The following ZNF592 variants were observed in gnomAD, a reference collection of about 807,000 sequenced individuals.
The protein encoded by ZNF592 is zinc finger protein 592, also known as spinocerebellar ataxia, autosomal recessive 5.
ZNF592 carries 11 observed loss-of-function variants against 80.3 expected under a neutral mutation model. That is an observed-to-expected ratio of 0.14 (90% CI 0.09 to 0.23). The LOEUF (loss-of-function observed/expected upper bound fraction) is 0.23, where lower values mean the gene tolerates loss of function less well. Ranked by LOEUF, ZNF592 falls within the 10% of genes least tolerant of loss-of-function variation. The pLI, the probability that ZNF592 is intolerant of heterozygous loss-of-function variation, is 1.00. For synonymous variants in ZNF592, 646 were observed against 640.3 expected (o/e 1.01, Z -0.13); for missense variants, 1,420 against 1,633.9 (o/e 0.87, Z 2.26).
intron 4 of ZNF592, among the ~76,000 whole-genome samples, chr15:84,785,870 A>G (rs1962573424): frequency 6.6e-6 from 1 of 151,940 alleles, no homozygotes; most frequent in South Asian, 2.1e-4. Context: ...TCATTTAAAA[A>G]AAAAAAAAAA....
chr15:84,794,560 C>T (rs916518185), intron 5 of ZNF592, among the ~76,000 whole-genome samples: 2 of 152,120 alleles, frequency 1.3e-5, no homozygotes, highest in Middle Eastern at 6.8e-3. Flanking sequence ...ACTGCAACCT[C>T]CGCCACCCCG....
chr15:84,761,687 C>A (rs776763976), intron 1 of ZNF592, among the ~76,000 whole-genome samples: 6 of 152,144 alleles, frequency 3.9e-5, no homozygotes, highest in Non-Finnish European at 8.8e-5. Flanking sequence ...GGGCTGTAAT[C>A]CCAGGAGAGG....
At chr15:84,771,177 T>C (rs958845642) in intron 2 of ZNF592, among the ~76,000 whole-genome samples, 1 of 152,044 alleles carries the variant, frequency 6.6e-6, no homozygotes, top group Non-Finnish European at 1.5e-5. Flanking sequence ...GCTCACATAC[T>C]GATGGGAAGG....
At chr15:84,758,158 A>G (rs1263535756) in intron 1 of ZNF592, among the ~76,000 whole-genome samples, 2 of 151,064 alleles carry the variant, frequency 1.3e-5, no homozygotes, top group Non-Finnish European at 2.9e-5. Context: ...TTTTTTTAGT[A>G]GAGATGGGGT....
chr15:84,757,790 C>G (rs991603591), intron 1 of ZNF592, among the ~76,000 whole-genome samples: 1 of 151,288 alleles, frequency 6.6e-6, no homozygotes, highest in African/African-American at 2.4e-5. Context: ...TCCCAAGTAG[C>G]TGGGACTACA....
intron 4 of ZNF592, among the ~76,000 whole-genome samples, chr15:84,786,678 C>T (rs1962592951): frequency 6.6e-6 from 1 of 151,940 alleles, no homozygotes; most frequent in African/African-American, 2.4e-5. Flanking sequence ...GGGGTGTGGG[C>T]ACTCTGGGTC....
At chr15:84,767,936 G>A (rs547117378) in intron 2 of ZNF592, among the ~76,000 whole-genome samples, 3 of 151,522 alleles carry the variant, frequency 2.0e-5, no homozygotes, top group Admixed American at 6.6e-5. Flanking sequence ...GAGTGCAATG[G>A]TGCAATCACA....
At chr15:84,781,999 C>T (rs1962434834) in intron 3 of ZNF592, among the ~76,000 whole-genome samples, 1 of 152,204 alleles carries the variant, frequency 6.6e-6, no homozygotes, top group Non-Finnish European at 1.5e-5. Flanking sequence ...TGCAAGTCAC[C>T]CTGTTCCTCA....
chr15:84,779,120 C>G (rs12908549), intron 3 of ZNF592, among the ~76,000 whole-genome samples: 30,132 of 152,108 alleles, frequency 0.2, 3,795 homozygotes, highest in Middle Eastern at 0.37. Context: ...GGAGGTCCCT[C>G]TATAAGGGCT....
At chr15:84,797,107 C>T (rs997752991) in intron 5 of ZNF592, among the ~76,000 whole-genome samples, 2 of 152,080 alleles carry the variant, frequency 1.3e-5, no homozygotes, top group Non-Finnish European at 1.5e-5. Context: ...ATTACAGGCA[C>T]GTGCCACCAT....
At chr15:84,756,468 A>G (rs1313806073) in intron 1 of ZNF592, among the ~76,000 whole-genome samples, 2 of 152,214 alleles carry the variant, frequency 1.3e-5, no homozygotes, top group East Asian at 1.9e-4. Flanking sequence ...TGTAACTGCA[A>G]GCCATCTCAG....
intron 3 of ZNF592, among the ~76,000 whole-genome samples, chr15:84,781,448 T>C (rs1483244779): frequency 2.0e-5 from 3 of 152,174 alleles, no homozygotes; most frequent in Admixed American, 6.6e-5. Context: ...TGTCTCCCTT[T>C]TGTGCTTTTT....
intron 1 of ZNF592, among the ~76,000 whole-genome samples, chr15:84,760,932 G>A (rs917945355): frequency 1.4e-4 from 21 of 152,162 alleles, no homozygotes; most frequent in Non-Finnish European, 2.9e-4. Flanking sequence ...GCCTGGCCCA[G>A]GGCTTGGACC....
intron 2 of ZNF592, among the ~76,000 whole-genome samples, chr15:84,767,229 G>A (rs185870413): frequency 1.3e-5 from 2 of 152,162 alleles, no homozygotes; most frequent in East Asian, 3.9e-4. Context: ...GTTTCACCAT[G>A]TTGCCTGGGT....
chr15:84,755,874 A>G (rs1242336788), intron 1 of ZNF592, among the ~76,000 whole-genome samples: 1 of 152,150 alleles, frequency 6.6e-6, no homozygotes, highest in Admixed American at 6.5e-5. Context: ...TTAGGCTAGC[A>G]CCTCTGATTG....
Position 84,798,361 on chromosome 15 carries a change from C to G in ZNF592, c.2623C>G (p.His875Asp). The G allele has an allele frequency of 1.9e-6, 3 of 1,614,194 alleles. No individual in the cohort carries two copies. The highest frequency in any genetic ancestry group is 2.5e-6 in the Non-Finnish European group (3 of 1,180,040). The change falls in exon 7 of 11, where the codon CAC becomes GAC. Residue 875 changes from histidine (H) to aspartate (D), a missense_variant. Transcript: ENST00000560079. The surrounding 1 kb of genome is among the most constrained non-coding windows in gnomAD (Gnocchi z 4.5). The stretch of plus-strand genomic sequence containing the variant: ...TGAAATGGTCTTCAACAAGAAGAGG[C>G]ACATTCAGCAGCATTTTTACCAGAA... ...SCEMVFNKKR[H>D]IQQHFYQNVS...
chr15:84,780,034 T>G (rs1360488824), intron 3 of ZNF592, among the ~76,000 whole-genome samples: 1 of 148,810 alleles, frequency 6.7e-6, no homozygotes, highest in Non-Finnish European at 1.5e-5. Context: ...TTGCCCAGGC[T>G]GGAGTGCAGT....
chr15:84,770,488 C>T (rs1317269135), intron 2 of ZNF592, among the ~76,000 whole-genome samples: 1 of 152,110 alleles, frequency 6.6e-6, no homozygotes, highest in African/African-American at 2.4e-5. Context: ...CTTGATGAGC[C>T]TCAGTGGTGC....
At chr15:84,800,654 A>G (rs1454356795) in intron 10 of ZNF592, among the ~76,000 whole-genome samples, 1 of 152,204 alleles carries the variant, frequency 6.6e-6, no homozygotes, top group East Asian at 1.9e-4. Flanking sequence ...AGCACCTTTC[A>G]TGCGTAGTAG....
Sources: gnomAD v4.1 joint callset for allele counts (sites outside exome capture counted in the v4.1 genomes callset) on GRCh38, gnomAD v4.1.1 for gene constraint, Gnocchi (gnomAD v3.1) non-coding constraint, MANE v1.5 for transcripts, NCBI Gene and HGNC (gene_info 2026-07-23, HGNC 2026-07-21) for gene names.